Variants in VPS37A observed in about 807,000 individuals in gnomAD.
The protein encoded by VPS37A is VPS37A subunit of ESCRT-I.
Under a neutral mutation model 49.8 loss-of-function variants are expected in VPS37A, and 30 were observed. The observed-to-expected ratio is 0.60, with a 90% confidence interval of 0.45 to 0.82. The LOEUF (loss-of-function observed/expected upper bound fraction) is 0.82, where lower values mean the gene tolerates loss of function less well. Ranked by LOEUF, VPS37A falls within the 40% of genes least tolerant of loss-of-function variation. VPS37A has a pLI of 0.00. For missense variants in VPS37A, 593 were observed against 464.4 expected, an observed-to-expected ratio of 1.28 and a Z score of -2.55; for synonymous variants, 195 against 160.6, an observed-to-expected ratio of 1.21 and a Z score of -1.62.
At chr8:17,316,955 G>C in the VPS37A span, among the ~76,000 whole-genome samples, 1 of 152,172 alleles carries the variant, frequency 6.6e-6, no homozygotes, top group African/African-American at 2.4e-5. Context: ...AGTGGTTTAT[G>C]CTCTCACCAG....
chr8:17,315,614 T>C, the VPS37A span, among the ~76,000 whole-genome samples: 1 of 152,066 alleles, frequency 6.6e-6, no homozygotes, highest in African/African-American at 2.4e-5. Flanking sequence ...TTGCTGTGAA[T>C]CTAAAACTGC....
At chr8:17,304,410 G>A (rs1563314853), downstream of VPS37A, 1 of 1,614,068 alleles carries the variant, frequency 6.2e-7, no homozygotes, top group Admixed American at 1.7e-5. Flanking sequence ...GTTGTAGGGA[G>A]ATGAAGGGTT....
chr8:17,251,517 CCTATAAG>C (rs1441275469), intron 1 of VPS37A, among the ~76,000 whole-genome samples: 1 of 152,184 alleles, frequency 6.6e-6, no homozygotes, highest in Non-Finnish European at 1.5e-5. Flanking sequence ...TGCCTCTTAG[CCTATAAG>C]CTTCTAGCCA....
the VPS37A span, chr8:17,313,176 T>A: frequency 1.5e-6 from 1 of 650,802 alleles, no homozygotes; most frequent in East Asian, 2.7e-5. Context: ...CAAAGCTGGC[T>A]ATCCAGTCAG....
intron 1 of VPS37A, chr8:17,247,684 C>G: frequency 1.4e-6 from 1 of 703,076 alleles, no homozygotes; most frequent in Non-Finnish European, 2.6e-6. Context: ...GCTGCCCAGG[C>G]TTCGCCACTG....
chr8:17,301,764 T>C (rs1038551575), downstream of VPS37A: 20 of 218,544 alleles, frequency 9.2e-5, no homozygotes, highest in African/African-American at 4.6e-4. Context: ...AATTATAGAT[T>C]AATATCATAG....
chr8:17,247,304 T>A lies in VPS37A; in HGVS notation c.60T>A (p.Gly20=), dbSNP rs1425152247. The A allele has an allele frequency of 1.3e-6, 2 of 1,563,094 alleles. No homozygotes were observed. Among genetic ancestry groups the A allele is most frequent in the Non-Finnish European group, 1.7e-6 (2 of 1,154,190 alleles). The part of the protein sequence containing the change: ...SASSSAAGSP[G]GLTSLQQQKQ... ...CCTCCTCCGCGGCTGGGTCCCCCGGTGGCCTCACCAGCCTCCAGCAGCAGA... is the reference window on the plus strand; with the variant it reads ...CCTCCTCCGCGGCTGGGTCCCCCGGAGGCCTCACCAGCCTCCAGCAGCAGA... Residue 20 remains glycine (G), a synonymous_variant, in exon 1 of 12, where the codon GGT becomes GGA. Transcript: ENST00000324849.
In VPS37A at chr8:17,268,289, C is replaced by A; in HGVS notation, c.232C>A (p.Pro78Thr). 1 of 1,612,980 alleles carries A rather than the reference C, an allele frequency of 6.2e-7. No individual in the cohort carries two copies. The highest frequency in any genetic ancestry group is 8.5e-7 in the Non-Finnish European group (1 of 1,179,710). ...LLPPQFPQEK[P>T]VISVYPPIRH... ...TCCTCCACAGTTTCCTCAGGAAAAA[C>A]CAGTGATCAGTGTTTATCCACCAAT... Residue 78 changes from proline to threonine, a missense_variant, in exon 3 of 12, where the codon CCA becomes ACA. Transcript: ENST00000324849.
chr8:17,288,452 T>G (rs781433131), intron 11 of VPS37A, among the ~76,000 whole-genome samples: 2 of 152,168 alleles, frequency 1.3e-5, no homozygotes, highest in African/African-American at 4.8e-5. Context: ...TTCCCACTTA[T>G]GAGTGAGAAC....
At chr8:17,248,559 A>G (rs1262926346) in intron 1 of VPS37A, 5 of 317,090 alleles carry the variant, frequency 1.6e-5, no homozygotes, top group South Asian at 2.4e-5. Flanking sequence ...TACAGGAATA[A>G]GCCACCTCGC....
chr8:17,320,389 G>T, the VPS37A span, among the ~76,000 whole-genome samples: 5 of 152,066 alleles, frequency 3.3e-5, no homozygotes, highest in Admixed American at 2.6e-4. Flanking sequence ...AAGACGGAGG[G>T]TGTGGTAAAG....
rs142715490 is a variant in VPS37A at position 17,269,838 on chromosome 8, A to G, written c.416+882A>G. On this transcript the variant is annotated intron_variant, in intron 4 of 11. Transcript: ENST00000324849. ...AAAGTCATGTTCTCGTACTAAAGAT[A>G]CTGTTTTAGTCTTGTTCTTGCATTG... Among the ~76,000 whole-genome samples the G allele has an allele frequency of 2.9e-4, 44 of 152,216 alleles. No individual in the cohort carries two copies. In the East Asian group the frequency reaches 5.0e-3, roughly 17 times the overall value.
chr8:17,251,426 G>T (rs184434241), intron 1 of VPS37A, among the ~76,000 whole-genome samples: 1 of 152,192 alleles, frequency 6.6e-6, no homozygotes, highest in African/African-American at 2.4e-5. Context: ...AAGACATTTG[G>T]AAGAGTATCT....
In VPS37A at chr8:17,280,048, T is replaced by C. The variant is rs1247681643; in HGVS notation, c.734T>C (p.Met245Thr). 16 of 1,611,540 alleles carry C rather than the reference T, an allele frequency of 9.9e-6. No homozygotes were observed. The highest frequency in any genetic ancestry group is 1.4e-5 in the Non-Finnish European group (16 of 1,178,884). ...TCTAGTGTGTCACAACTCACAGATA[T>C]GAATGAACAAGAGGAGGTATTACTA... ...SELSVSQLTDMNEQEEVLLEQ... is the reference protein window; with the variant it reads ...SELSVSQLTDTNEQEEVLLEQ... The change falls in exon 7 of 12, where the codon ATG (methionine) becomes ACG (threonine). Residue 245 changes from methionine to threonine, a missense_variant. Met to Thr is a moderately conservative substitution (Grantham distance 81, BLOSUM62 -1). Coordinates refer to ENST00000324849, the MANE Select transcript of VPS37A (RefSeq NM_152415.3).
At chr8:17,330,940 C>A in the VPS37A span, among the ~76,000 whole-genome samples, 1 of 152,192 alleles carries the variant, frequency 6.6e-6, no homozygotes, top group Non-Finnish European at 1.5e-5. Flanking sequence ...GAGTCCCTGA[C>A]TGCTAACCAC....
chr8:17,325,456 T>C, the VPS37A span, among the ~76,000 whole-genome samples: 21,491 of 152,240 alleles, frequency 0.14, 1,978 homozygotes, highest in South Asian at 0.43. Context: ...ATGCCCATCA[T>C]GTCAGGGAAC....
At chr8:17,277,132 G>A (rs1814588667) in intron 6 of VPS37A, among the ~76,000 whole-genome samples, 1 of 151,684 alleles carries the variant, frequency 6.6e-6, no homozygotes, top group Non-Finnish European at 1.5e-5. Context: ...TTTGTCTTTA[G>A]GATATATCTC....
At chr8:17,250,404 T>A (rs1237372603) in intron 1 of VPS37A, among the ~76,000 whole-genome samples, 2 of 152,202 alleles carry the variant, frequency 1.3e-5, no homozygotes, top group Admixed American at 1.3e-4. Context: ...GTGTGGTGTG[T>A]AAAAGTTGAA....
At chr8:17,315,279 T>A in the VPS37A span, among the ~76,000 whole-genome samples, 1 of 152,112 alleles carries the variant, frequency 6.6e-6, no homozygotes, top group South Asian at 2.1e-4. Context: ...CTATATGACC[T>A]CCTAGAAAAG....
Sources: allele counts gnomAD v4.1 joint callset (sites outside exome capture counted in the v4.1 genomes callset), GRCh38; gene constraint gnomAD v4.1.1; transcripts MANE v1.5; gene names NCBI Gene and HGNC (gene_info 2026-07-23, HGNC 2026-07-21).